The following CFAP52 variants were observed in gnomAD, a reference collection of about 807,000 sequenced individuals.
CFAP52 encodes the protein cilia and flagella associated protein 52.
Under a neutral mutation model 70.5 loss-of-function variants are expected in CFAP52, and 57 were observed. The ratio of observed to expected loss-of-function variants is 0.81; its 90% CI spans 0.65 to 1.01. The LOEUF (loss-of-function observed/expected upper bound fraction) is 1.01. CFAP52 is among the 50% of genes least tolerant of loss of function. The pLI is 0.00. For synonymous variants in CFAP52, 267 were observed against 292.5 expected, an observed-to-expected ratio of 0.91 and a Z score of 0.89; for missense variants, 785 against 788.5, an observed-to-expected ratio of 1.00 and a Z score of 0.05.
intron 8 of CFAP52, 88 bp downstream of exon 8, chr17:9,612,567 A>G: frequency 7.1e-7 from 1 of 1,408,944 alleles, no homozygotes; most frequent in Non-Finnish European, 9.5e-7. Flanking sequence ...AATATTAATG[A>G]ACATAGTTAT....
At chr17:9,637,131 C>T (rs1910845571) in intron 11 of CFAP52, among the ~76,000 whole-genome samples, 1 of 152,144 alleles carries the variant, frequency 6.6e-6, no homozygotes, top group Admixed American at 6.5e-5. Context: ...TCCTGGGGAT[C>T]TTGTTACAAA....
chr17:9,590,735 C>G (rs1908709241), intron 3 of CFAP52, among the ~76,000 whole-genome samples: 1 of 152,168 alleles, frequency 6.6e-6, no homozygotes, highest in Non-Finnish European at 1.5e-5. Flanking sequence ...CTGTTAATCT[C>G]TGCTGTAATT....
intron 1 of CFAP52, chr17:9,584,280 A>C (rs888063193): frequency 1.6e-6 from 2 of 1,285,440 alleles, no homozygotes; most frequent in Non-Finnish European, 2.0e-6. Flanking sequence ...ACATGGAAGC[A>C]GTAGTGTTAC....
At chr17:9,601,024 A>G (rs141641828) in intron 6 of CFAP52, among the ~76,000 whole-genome samples, 2,924 of 152,132 alleles carry the variant, frequency 0.019, 85 homozygotes, top group African/African-American at 0.066. Flanking sequence ...AATGTCCAAC[A>G]ATGATAGACT....
intron 4 of CFAP52, among the ~76,000 whole-genome samples, chr17:9,596,448 TA>T (rs1909024184): frequency 6.6e-6 from 1 of 152,106 alleles, no homozygotes; most frequent in Non-Finnish European, 1.5e-5. Context: ...CTTAAAATAT[TA>T]GCTGAAGTCT....
intron 4 of CFAP52, among the ~76,000 whole-genome samples, chr17:9,596,467 G>A (rs748096772): frequency 2.0e-5 from 3 of 152,012 alleles, no homozygotes; most frequent in African/African-American, 7.3e-5. Context: ...TCTTTGTGAT[G>A]TTGGCCTTGA....
intron 9 of CFAP52, 27 bp from the exon 10 acceptor site, chr17:9,632,859 GCC>G: frequency 6.2e-7 from 1 of 1,611,444 alleles, no homozygotes; most frequent in Non-Finnish European, 8.5e-7. Flanking sequence ...TACTGATCCT[GCC>G]TGCCTTTTGT....
At chr17:9,598,174 A>C (rs1199352045) in intron 4 of CFAP52, 60 bp from the exon 5 acceptor site, 17 of 1,312,682 alleles carry the variant, frequency 1.3e-5, no homozygotes, top group Non-Finnish European at 1.8e-5. Flanking sequence ...TTCAGGGATG[A>C]AGTGATTATT....
chr17:9,583,683 G>A (rs1908323405), intron 1 of CFAP52, among the ~76,000 whole-genome samples: 2 of 152,082 alleles, frequency 1.3e-5, no homozygotes, highest in Admixed American at 1.3e-4. Flanking sequence ...ACACAATCAT[G>A]AATTTTAAAT....
chr17:9,631,046 G>GAC (rs1198022485), intron 9 of CFAP52, among the ~76,000 whole-genome samples: 2 of 97,194 alleles, frequency 2.1e-5, no homozygotes, highest in Non-Finnish European at 3.9e-5. Flanking sequence ...GAGAGAGAGA[G>GAC]AGAGAGAGAA....
intron 6 of CFAP52, among the ~76,000 whole-genome samples, chr17:9,607,757 A>C (rs1909553572): frequency 6.6e-6 from 1 of 152,150 alleles, no homozygotes; most frequent in African/African-American, 2.4e-5. Context: ...AATATTCAAA[A>C]TGCACCAGTG....
chr17:9,578,254 G>A (rs1597756608), intron 1 of CFAP52, among the ~76,000 whole-genome samples: 3 of 152,306 alleles, frequency 2.0e-5, no homozygotes, highest in Admixed American at 6.5e-5. Flanking sequence ...ACATTTAAAT[G>A]TATTACAATT....
In CFAP52 at chr17:9,614,157, CTTTT is replaced by C. The variant is rs11347755; in HGVS notation, c.1025+1692_1025+1695del. 1.3e-4 allele frequency among the ~76,000 whole-genome samples: 12 copies of C among 93,972 alleles called. 1 individual carries two copies. The highest frequency in any genetic ancestry group is 3.8e-4 in the African/African-American group (10 of 26,132). 61.6% of individuals were successfully genotyped at this position (93,972 alleles called of 152,430 possible). ...CCTTTTCTTTTTCTTTTCTTTCTTT[CTTTT>C]TTTTTTTTTTTTTGAGACTGAGTCT... On this transcript the variant is annotated intron_variant, in intron 8 of 13. Transcript: ENST00000352665.
chr17:9,583,783 C>CT lies in CFAP52; in HGVS notation c.71-1989dup, dbSNP rs1441634331. Among the ~76,000 whole-genome samples the CT allele has an allele frequency of 2.0e-5, 3 of 152,098 alleles. No homozygotes were observed. In the East Asian group the frequency reaches 5.8e-4, roughly 29 times the overall value. The stretch of plus-strand genomic sequence containing the variant: ...CCATAGGTGAGCAATAATGGAGGAC[C>CT]TGGGTCTGTTTCATATTAAAACATA... On this transcript the variant is annotated intron_variant, in intron 1 of 13. Transcript: ENST00000352665.
At chr17:9,631,033 AG>A (rs1910483245) in intron 9 of CFAP52, among the ~76,000 whole-genome samples, 3 of 66,614 alleles carry the variant, frequency 4.5e-5, no homozygotes, top group African/African-American at 2.4e-4. Context: ...AAAGAAAGAG[AG>A]AGAGAGAGAG....
At chr17:9,585,192 C>T (rs969606769) in intron 1 of CFAP52, among the ~76,000 whole-genome samples, 11 of 152,102 alleles carry the variant, frequency 7.2e-5, no homozygotes, top group African/African-American at 2.7e-4. Context: ...CACTTAGGAG[C>T]TTATGAGAAA....
intron 11 of CFAP52, among the ~76,000 whole-genome samples, chr17:9,636,040 G>A (rs1439813726): frequency 1.3e-5 from 2 of 151,952 alleles, no homozygotes; most frequent in African/African-American, 2.4e-5. Context: ...TGGGCGTGGC[G>A]GCAGGTGCCT....
intron 3 of CFAP52, among the ~76,000 whole-genome samples, chr17:9,591,030 C>CTTTTTTT (rs34888799): frequency 1.1e-3 from 82 of 76,752 alleles, no homozygotes; most frequent in Non-Finnish European, 1.2e-3. Flanking sequence ...TTGCATGCAT[C>CTTTTTTT]TTTTTTTTTT....
Position 9,625,803 on chromosome 17 carries a change from T to C in CFAP52, c.1026-2869T>C, listed in dbSNP as rs367666001. Among the ~76,000 whole-genome samples the C allele has an allele frequency of 3.3e-5, 5 of 152,318 alleles. No individual in the cohort carries two copies. The East Asian group carries it at 9.6e-4, about 29-fold the overall frequency. ...TTGTTAATTCATCCAGTTTTTCTAATTGTTATTTGTGAGAAAATGTGTGTG... is the reference window on the plus strand; with the variant it reads ...TTGTTAATTCATCCAGTTTTTCTAACTGTTATTTGTGAGAAAATGTGTGTG... On this transcript the variant is annotated intron_variant, in intron 8 of 13. Coordinates refer to ENST00000352665, the MANE Select transcript of CFAP52 (RefSeq NM_145054.5).
Sources: gnomAD v4.1 joint callset for allele counts (sites outside exome capture counted in the v4.1 genomes callset) on GRCh38, gnomAD v4.1.1 for gene constraint, MANE v1.5 for transcripts, NCBI Gene and HGNC (gene_info 2026-07-23, HGNC 2026-07-21) for gene names.